Variants in AGPS observed in about 807,000 individuals in gnomAD.
The protein encoded by AGPS is alkylglycerone phosphate synthase, also known as alkyldihydroxyacetonephosphate synthase, peroxisomal.
A neutral mutation model predicts 90.7 loss-of-function variants in AGPS; 26 were observed. That is an observed-to-expected ratio of 0.29 (90% CI 0.21 to 0.40). The LOEUF (loss-of-function observed/expected upper bound fraction) is 0.40. AGPS is among the 10% of genes least tolerant of loss of function. AGPS has a pLI of 1.00. For synonymous variants in AGPS, 294 were observed against 285.3 expected, an observed-to-expected ratio of 1.03 and a Z score of -0.31; for missense variants, 540 against 816.1, an observed-to-expected ratio of 0.66 and a Z score of 4.12.
chr2:177,432,997 A>G (rs895739108), intron 2 of AGPS, among the ~76,000 whole-genome samples: 6 of 152,192 alleles, frequency 3.9e-5, no homozygotes, highest in Admixed American at 1.3e-4. Context: ...GCATTAATCT[A>G]TTCATAAAGA....
At chr2:177,445,501 A>G (rs1279251614) in intron 7 of AGPS, 45 bp from the exon 8 acceptor site, 1 of 1,459,744 alleles carries the variant, frequency 6.9e-7, no homozygotes, top group East Asian at 2.3e-5. Context: ...CTGAGAAAAT[A>G]TTAGTAGTTC....
At chr2:177,446,003 A>AT (rs921773153) in intron 8 of AGPS, among the ~76,000 whole-genome samples, 45 of 152,072 alleles carry the variant, frequency 3.0e-4, no homozygotes, top group South Asian at 6.2e-4. Flanking sequence ...AGAACCTGGC[A>AT]TTTTTTTTGT....
intron 19 of AGPS, among the ~76,000 whole-genome samples, chr2:177,526,871 T>C (rs1305229466): frequency 1.3e-5 from 2 of 152,224 alleles, no homozygotes; most frequent in East Asian, 1.9e-4. Context: ...TTCTGCATAC[T>C]TAACCTCTTT....
Position 177,505,239 on chromosome 2 carries a change from G to T in AGPS, c.1476-267G>T, listed in dbSNP as rs182237937. 1.5e-3 allele frequency among the ~76,000 whole-genome samples: 235 copies of T among 152,026 alleles called. 1 individual carries two copies. Among genetic ancestry groups the T allele is most frequent in the Middle Eastern group, 0.01 (3 of 294 alleles). On this transcript the variant is annotated intron_variant, in intron 14 of 19. Coordinates refer to ENST00000264167, the MANE Select transcript of AGPS (RefSeq NM_003659.4). The stretch of plus-strand genomic sequence containing the variant: ...AGTAAGAATATGATGAGTAAAATAA[G>T]AATACTTGTGTGAAGATTATTTCAG...
At chr2:177,495,146 G>A (rs1306588091) in intron 12 of AGPS, among the ~76,000 whole-genome samples, 2 of 152,194 alleles carry the variant, frequency 1.3e-5, no homozygotes, top group South Asian at 2.1e-4. Context: ...ATCCAAAGAT[G>A]TCCTCTATAA....
At chr2:177,524,863 C>CTA (rs1410260962) in intron 19 of AGPS, among the ~76,000 whole-genome samples, 3 of 152,132 alleles carry the variant, frequency 2.0e-5, no homozygotes, top group Non-Finnish European at 4.4e-5. Flanking sequence ...AAGGAGTGGA[C>CTA]TATGGAAGGT....
At chr2:177,510,741 T>C (rs1489589023) in intron 16 of AGPS, among the ~76,000 whole-genome samples, 3 of 152,226 alleles carry the variant, frequency 2.0e-5, no homozygotes, top group African/African-American at 7.2e-5. Context: ...ACTACATTTT[T>C]ATGTAAAATT....
At chr2:177,482,495 A>G (rs1357720233) in intron 11 of AGPS, among the ~76,000 whole-genome samples, 1 of 151,970 alleles carries the variant, frequency 6.6e-6, no homozygotes, top group African/African-American at 2.4e-5. Flanking sequence ...TTTGCCTTTT[A>G]TTGACTGTTA....
chr2:177,485,963 AATAAAG>A (rs1406991924), intron 11 of AGPS, among the ~76,000 whole-genome samples: 1 of 152,210 alleles, frequency 6.6e-6, no homozygotes, highest in Non-Finnish European at 1.5e-5. Context: ...CTTGGAACAA[AATAAAG>A]ATAATGATTG....
At chr2:177,410,537 A>G (rs1328229227) in intron 1 of AGPS, among the ~76,000 whole-genome samples, 2 of 152,124 alleles carry the variant, frequency 1.3e-5, no homozygotes, top group Non-Finnish European at 2.9e-5. Context: ...TCCCTAACAA[A>G]GGAGTGGGGC....
At chr2:177,448,578 T>G (rs907144865) in intron 8 of AGPS, among the ~76,000 whole-genome samples, 2 of 152,206 alleles carry the variant, frequency 1.3e-5, no homozygotes, top group African/African-American at 2.4e-5. Flanking sequence ...TGTAGCCGCC[T>G]TCTTCTCTTC....
chr2:177,442,425 A>T lies in AGPS; in HGVS notation c.728A>T (p.Tyr243Phe), dbSNP rs1175404772. The T allele has an allele frequency of 6.2e-7, 1 of 1,613,782 alleles. No individual in the cohort carries two copies. The highest frequency in any genetic ancestry group is 2.2e-5 in the East Asian group (1 of 44,876). The change falls in exon 7 of 20, where the codon TAT becomes TTT. Residue 243 changes from tyrosine (Y) to phenylalanine (F), a missense_variant. Physicochemically the swap from Tyr to Phe is conservative, Grantham distance 22. Coordinates refer to ENST00000264167, the MANE Select transcript of AGPS (RefSeq NM_003659.4). ...TTGGCAGGAGGAACAAGTGTTTCAT[A>T]TGGCCTGATGTGTCCTGCAGATGAG... ...IPIGGGTSVS[Y>F]GLMCPADETR... is the part of the protein sequence containing the mutation.
chr2:177,480,563 C>T (rs1687913870), intron 10 of AGPS, among the ~76,000 whole-genome samples: 1 of 152,036 alleles, frequency 6.6e-6, no homozygotes, highest in South Asian at 2.1e-4. Flanking sequence ...GAACATCATA[C>T]ACTGGGGCCT....
intron 1 of AGPS, among the ~76,000 whole-genome samples, chr2:177,400,773 T>G (rs189346892): frequency 1.3e-5 from 2 of 152,350 alleles, no homozygotes; most frequent in Non-Finnish European, 2.9e-5. Flanking sequence ...GACCTCATCC[T>G]ATAAGCAGGG....
chr2:177,412,911 G>A (rs908481079), intron 1 of AGPS, among the ~76,000 whole-genome samples: 11 of 152,166 alleles, frequency 7.2e-5, no homozygotes, highest in Admixed American at 2.0e-4. Context: ...CAAGCCTTTA[G>A]CCCGATCGGG....
chr2:177,433,910 G>T (rs996185341), intron 2 of AGPS, among the ~76,000 whole-genome samples: 1 of 151,800 alleles, frequency 6.6e-6, no homozygotes, highest in Non-Finnish European at 1.5e-5. Flanking sequence ...GTGATTTCTC[G>T]GTATGCTTTC....
intron 15 of AGPS, among the ~76,000 whole-genome samples, chr2:177,506,178 A>G (rs1237887843): frequency 6.6e-6 from 1 of 151,106 alleles, no homozygotes; most frequent in African/African-American, 2.4e-5. Context: ...CTTTGTAACA[A>G]ATTCAAATTT....
At chr2:177,494,955 C>A (rs1688371189) in intron 12 of AGPS, among the ~76,000 whole-genome samples, 1 of 152,160 alleles carries the variant, frequency 6.6e-6, no homozygotes, top group Non-Finnish European at 1.5e-5. Flanking sequence ...CCTGCACTAA[C>A]CGTATGGCTG....
At chr2:177,486,942 TCTC>T (rs1270528299) in intron 11 of AGPS, among the ~76,000 whole-genome samples, 1 of 151,886 alleles carries the variant, frequency 6.6e-6, no homozygotes, top group Non-Finnish European at 1.5e-5. Context: ...TCCAGTATAA[TCTC>T]CTCCTTTATT....
Sources: gnomAD v4.1 joint callset for allele counts (sites outside exome capture counted in the v4.1 genomes callset) on GRCh38, gnomAD v4.1.1 for gene constraint, MANE v1.5 for transcripts, NCBI Gene and HGNC (gene_info 2026-07-23, HGNC 2026-07-21) for gene names.